Variants in LIMCH1 observed in about 807,000 individuals in gnomAD.
LIMCH1 encodes LIM and calponin homology domains-containing protein 1.
LIMCH1 carries 113 observed loss-of-function variants against 176.5 expected under a neutral mutation model. That is an observed-to-expected ratio of 0.64 (90% confidence interval 0.55 to 0.75). The LOEUF (loss-of-function observed/expected upper bound fraction) is 0.75. LIMCH1 is among the 30% of genes least tolerant of loss of function. The pLI, the probability that LIMCH1 is intolerant of heterozygous loss-of-function variation, is 0.00. For synonymous variants in LIMCH1, 619 were observed against 645.9 expected (o/e 0.96, Z 0.63); for missense variants, 1,674 against 1,814.9 (o/e 0.92, Z 1.41).
chr4:41,542,362 TTTC>T (rs1401852866), intron 1 of LIMCH1, among the ~76,000 whole-genome samples: 4 of 119,148 alleles, frequency 3.4e-5, no homozygotes, highest in Non-Finnish European at 4.9e-5. Context: ...CTTTCTTTCT[TTTC>T]TTTTTTTTTT....
intron 10 of LIMCH1, among the ~76,000 whole-genome samples, chr4:41,632,348 G>A (rs1243018423): frequency 6.6e-6 from 1 of 152,002 alleles, no homozygotes; most frequent in African/African-American, 2.4e-5. Flanking sequence ...CTATAGAAGG[G>A]TTTCTTTGGT....
At chr4:41,558,604 C>A (rs1191616562) in intron 1 of LIMCH1, among the ~76,000 whole-genome samples, 1 of 152,120 alleles carries the variant, frequency 6.6e-6, no homozygotes, top group Admixed American at 6.6e-5. Flanking sequence ...GCCTTGGAGA[C>A]CCAGCTCACA....
intron 10 of LIMCH1, among the ~76,000 whole-genome samples, chr4:41,632,053 G>A (rs1017031322): frequency 6.6e-6 from 1 of 152,184 alleles, no homozygotes; most frequent in Non-Finnish European, 1.5e-5. Context: ...ATCCAAATGT[G>A]TGAGGGAAGA....
intron 14 of LIMCH1, among the ~76,000 whole-genome samples, chr4:41,640,638 C>G (rs961382258): frequency 5.9e-5 from 9 of 152,128 alleles, no homozygotes; most frequent in Admixed American, 5.9e-4. Context: ...TACATGAAAC[C>G]ATGTGGGGAA....
chr4:41,395,474 C>G (rs1214743369), intron 1 of LIMCH1, among the ~76,000 whole-genome samples: 1 of 151,768 alleles, frequency 6.6e-6, no homozygotes, highest in East Asian at 1.9e-4. Context: ...AACTCCCGAC[C>G]TCAAGTGATC....
chr4:41,661,320 C>T, intron 18 of LIMCH1, 100 bp from the exon 19 acceptor site: 2 of 810,826 alleles, frequency 2.5e-6, no homozygotes, highest in Non-Finnish European at 2.0e-6. Context: ...ATTCATATGG[C>T]CAAACCACTT....
At chr4:41,614,122 A>T (rs898922654) in intron 5 of LIMCH1, among the ~76,000 whole-genome samples, 2 of 152,216 alleles carry the variant, frequency 1.3e-5, no homozygotes, top group African/African-American at 4.8e-5. Context: ...GGGATTGTGC[A>T]ACTTTAATTG....
chr4:41,520,734 T>C (rs2076037413), intron 2 of LIMCH1, among the ~76,000 whole-genome samples: 1 of 152,210 alleles, frequency 6.6e-6, no homozygotes, highest in African/African-American at 2.4e-5. Context: ...AAATTTTCTT[T>C]ATTTTTATTT....
intron 3 of LIMCH1, among the ~76,000 whole-genome samples, chr4:41,524,904 A>T (rs754110304): frequency 6.6e-6 from 1 of 152,240 alleles, no homozygotes; most frequent in African/African-American, 2.4e-5. Flanking sequence ...TTTCAATATT[A>T]TAATCTACTT....
At chr4:41,613,396 T>A (rs2091698845) in intron 4 of LIMCH1, 70 bp from the exon 5 acceptor site, 2 of 1,355,704 alleles carry the variant, frequency 1.5e-6, no homozygotes. Context: ...TGGAGACCAC[T>A]GGAGACCCAT....
chr4:41,548,096 C>T (rs547038667), intron 1 of LIMCH1, among the ~76,000 whole-genome samples: 1 of 151,776 alleles, frequency 6.6e-6, no homozygotes, highest in Admixed American at 6.6e-5. Flanking sequence ...TGTTGCCTGG[C>T]ACCTTATAAG....
At chr4:41,550,586 C>G (rs766686027) in intron 1 of LIMCH1, among the ~76,000 whole-genome samples, 1 of 152,044 alleles carries the variant, frequency 6.6e-6, no homozygotes, top group Non-Finnish European at 1.5e-5. Flanking sequence ...CAACAAAAAA[C>G]TAACAGCCAG....
chr4:41,501,241 A>G (rs2154179062), intron 2 of LIMCH1, among the ~76,000 whole-genome samples: 1 of 152,338 alleles, frequency 6.6e-6, no homozygotes, highest in South Asian at 2.1e-4. Flanking sequence ...TTGAAAGCAT[A>G]GATATATGTG....
At chr4:41,609,039 C>A (rs1374799698) in intron 4 of LIMCH1, among the ~76,000 whole-genome samples, 2 of 152,046 alleles carry the variant, frequency 1.3e-5, no homozygotes, top group Admixed American at 6.6e-5. Context: ...GTACCCTGGC[C>A]CCATGTGGAC....
At chr4:41,360,467 C>T (rs1430587139), upstream of LIMCH1, among the ~76,000 whole-genome samples, 1 of 152,076 alleles carries the variant, frequency 6.6e-6, no homozygotes, top group Non-Finnish European at 1.5e-5. The surrounding 1 kb of genome is among the most constrained non-coding windows in gnomAD (Gnocchi z 4.5). Context: ...CCAGCGGATT[C>T]CCTCTATCGG....
chr4:41,495,751 G>A (rs549527446), intron 2 of LIMCH1, among the ~76,000 whole-genome samples: 2 of 152,048 alleles, frequency 1.3e-5, no homozygotes, highest in Non-Finnish European at 2.9e-5. Flanking sequence ...AGTGAGTGAG[G>A]CACTTTCAAA....
chr4:41,647,068 G>A (rs545460584), intron 17 of LIMCH1, among the ~76,000 whole-genome samples, 175 bp downstream of exon 17: 3 of 152,206 alleles, frequency 2.0e-5, no homozygotes, highest in Non-Finnish European at 2.9e-5. Flanking sequence ...ATGCTTCAGG[G>A]ACAGCTGTTT....
At chr4:41,394,792 G>A (rs944732164) in intron 1 of LIMCH1, among the ~76,000 whole-genome samples, 3 of 152,182 alleles carry the variant, frequency 2.0e-5, no homozygotes, top group Non-Finnish European at 2.9e-5. Flanking sequence ...AGGAATCTGA[G>A]TGCTTGGAGG....
At chr4:41,695,182 A>C (rs1477937792) in intron 31 of LIMCH1, among the ~76,000 whole-genome samples, 1 of 151,848 alleles carries the variant, frequency 6.6e-6, no homozygotes, top group Non-Finnish European at 1.5e-5. Flanking sequence ...ATTTTCATAC[A>C]AAAGATTTTC....
Sources: gnomAD v4.1 joint callset for allele counts (sites outside exome capture counted in the v4.1 genomes callset) on GRCh38, gnomAD v4.1.1 for gene constraint, Gnocchi (gnomAD v3.1) non-coding constraint, MANE v1.5 for transcripts, NCBI Gene and HGNC (gene_info 2026-07-23, HGNC 2026-07-21) for gene names.